ERICH6B: variants seen among roughly 807,000 people sequenced by gnomAD.
ERICH6B encodes glutamate rich 6B, also known as glutamate-rich protein 6B.
In ERICH6B, 69 loss-of-function variants were observed where a neutral mutation model predicts 80.0. The ratio of observed to expected loss-of-function variants is 0.86; its 90% CI spans 0.71 to 1.05. The LOEUF is 1.05. Ranked by LOEUF, ERICH6B falls within the 50% of genes least tolerant of loss-of-function variation. The pLI is 0.00. For missense variants in ERICH6B, 754 were observed against 796.1 expected (o/e 0.95, Z 0.64); for synonymous variants, 283 against 291.9 (o/e 0.97, Z 0.31).
intron 2 of ERICH6B, among the ~76,000 whole-genome samples, chr13:45,598,765 G>A (rs772777391): frequency 3.9e-5 from 6 of 152,160 alleles, no homozygotes; most frequent in African/African-American, 7.2e-5. Flanking sequence ...CAGCGGTGAG[G>A]AGTGTGGTCA....
At chr13:45,581,978 A>G (rs1875691481) in intron 5 of ERICH6B, among the ~76,000 whole-genome samples, 1 of 152,164 alleles carries the variant, frequency 6.6e-6, no homozygotes, top group African/African-American at 2.4e-5. Context: ...TTTCTCTAGG[A>G]TTGCATTAGT....
In ERICH6B at chr13:45,568,298, C is replaced by G. The variant is rs756883520; in HGVS notation, c.1187+17G>C. ...CCAAATCCACTGACCAATCACTTGGCCTCACCAGTTACTTACATAATTACC... is the reference window on the plus strand; with the variant it reads ...CCAAATCCACTGACCAATCACTTGGGCTCACCAGTTACTTACATAATTACC... On this transcript the variant is annotated intron_variant, in intron 9 of 14. Transcript: ENST00000298738. The G allele has an allele frequency of 5.2e-6, 8 of 1,531,448 alleles. No homozygotes were observed. The highest frequency in any genetic ancestry group is 2.5e-5 in the East Asian group (1 of 40,482). The allele number at this position is 1,531,448 out of a possible 1,614,324, so 94.9% of individuals were successfully genotyped here.
intron 8 of ERICH6B, among the ~76,000 whole-genome samples, chr13:45,574,404 A>T (rs755359792): frequency 3.3e-5 from 5 of 152,218 alleles, no homozygotes; most frequent in African/African-American, 4.8e-5. Context: ...TATTGAAACC[A>T]TGATGACTCC....
chr13:45,562,760 C>G (rs1168756930), intron 10 of ERICH6B, among the ~76,000 whole-genome samples: 1 of 152,156 alleles, frequency 6.6e-6, no homozygotes, highest in African/African-American at 2.4e-5. Context: ...CCAGCATAAG[C>G]ACTGTGTGGT....
At chr13:45,586,010 C>T (rs918295317) in intron 5 of ERICH6B, among the ~76,000 whole-genome samples, 23 of 152,266 alleles carry the variant, frequency 1.5e-4, no homozygotes, top group Non-Finnish European at 3.1e-4. Flanking sequence ...GGCAATTACT[C>T]AGGAAATGAC....
At chr13:45,551,283 G>A (rs1050590828) in intron 11 of ERICH6B, among the ~76,000 whole-genome samples, 3 of 151,980 alleles carry the variant, frequency 2.0e-5, no homozygotes, top group African/African-American at 7.2e-5. Context: ...TTGTTTTATA[G>A]TTTATCAATT....
intron 9 of ERICH6B, among the ~76,000 whole-genome samples, chr13:45,566,150 G>C (rs978911197): frequency 2.0e-4 from 30 of 152,172 alleles, no homozygotes; most frequent in African/African-American, 6.8e-4. Flanking sequence ...TAGTGTAGCT[G>C]GTGGAAGAAA....
intron 3 of ERICH6B, among the ~76,000 whole-genome samples, chr13:45,594,143 T>A (rs896384554): frequency 6.6e-6 from 1 of 152,226 alleles, no homozygotes; most frequent in African/African-American, 2.4e-5. Flanking sequence ...ATTGATATAT[T>A]TTTTTGAAAA....
chr13:45,550,068 G>C (rs900752887), intron 12 of ERICH6B, 23 bp from the exon 13 acceptor site: 42 of 1,550,746 alleles, frequency 2.7e-5, no homozygotes, highest in Middle Eastern at 1.7e-4. Context: ...TAAGGCACAA[G>C]TAGTCAGTCC....
Position 45,587,248 on chromosome 13 carries a change from A to G in ERICH6B, c.687-16T>C. 6.4e-7 allele frequency: 1 copy of G among 1,551,066 alleles called. No individual in the cohort carries two copies. The highest frequency in any genetic ancestry group is 8.7e-7 in the Non-Finnish European group (1 of 1,146,670). On this transcript the variant is annotated splice_polypyrimidine_tract_variant and intron_variant, in intron 4 of 14. Coordinates refer to ENST00000298738, the MANE Select transcript of ERICH6B (RefSeq NM_182542.3). ...GTCTGGACTCCTGTCAGAGGGGAGA[A>G]CAGGAAGGTCAACTTCCAGACAGGG... is the stretch of plus-strand genomic sequence containing the variant.
At chr13:45,598,496 T>C (rs1385324805) in intron 2 of ERICH6B, among the ~76,000 whole-genome samples, 1 of 152,158 alleles carries the variant, frequency 6.6e-6, no homozygotes, top group Middle Eastern at 3.2e-3. Context: ...GGCCTGCCTC[T>C]TTCTGGCTGT....
chr13:45,595,969 T>C lies in ERICH6B; in HGVS notation c.637+400A>G, dbSNP rs142945942. ...CTGCTTATATATAGTTTCTAAAACA[T>C]TTGCAATGAACATGTATTACTCGTG... On this transcript the variant is annotated intron_variant, in intron 3 of 14. Transcript: ENST00000298738. 3.3e-5 allele frequency among the ~76,000 whole-genome samples: 5 copies of C among 152,274 alleles called. No homozygotes were observed. In the East Asian group the frequency reaches 9.6e-4, roughly 29 times the overall value.
intron 2 of ERICH6B, among the ~76,000 whole-genome samples, chr13:45,600,185 T>C (rs1298934999): frequency 6.6e-6 from 1 of 152,090 alleles, no homozygotes; most frequent in African/African-American, 2.4e-5. Flanking sequence ...ATTATTGCCG[T>C]CTACTTCTAA....
intron 14 of ERICH6B, among the ~76,000 whole-genome samples, chr13:45,543,808 G>A (rs537316972): frequency 1.3e-5 from 2 of 152,252 alleles, no homozygotes; most frequent in East Asian, 1.9e-4. Context: ...GAACTTCCAG[G>A]GGATCATCTG....
Position 45,581,700 on chromosome 13 carries a change from C to CT in ERICH6B, c.857-1036dup, listed in dbSNP as rs529139266. On this transcript the variant is annotated intron_variant, in intron 5 of 14. Transcript: ENST00000298738. ...CCCATTCCATTCTTAATAGCAGGGA[C>CT]TAATAGGCCCATGATGAAAAAGCCA... is the stretch of plus-strand genomic sequence containing the variant. 2.1e-3 allele frequency among the ~76,000 whole-genome samples: 315 copies of CT among 152,314 alleles called. 3 individuals are homozygous for CT. Among genetic ancestry groups the CT allele is most frequent in the Non-Finnish European group, 1.4e-3 (93 of 68,034 alleles).
At chr13:45,564,145 T>G (rs2137979608) in intron 9 of ERICH6B, among the ~76,000 whole-genome samples, 1 of 152,320 alleles carries the variant, frequency 6.6e-6, no homozygotes, top group African/African-American at 2.4e-5. Context: ...GGATTTGATT[T>G]TCTGCAGCTT....
At chr13:45,609,863 C>T (rs1333255904) in intron 1 of ERICH6B, among the ~76,000 whole-genome samples, 1 of 152,188 alleles carries the variant, frequency 6.6e-6, no homozygotes, top group East Asian at 1.9e-4. Flanking sequence ...AAAATTATAA[C>T]AGTGAGAAAA....
intron 2 of ERICH6B, among the ~76,000 whole-genome samples, chr13:45,606,993 G>A (rs936133415): frequency 3.3e-5 from 5 of 151,878 alleles, no homozygotes; most frequent in African/African-American, 1.2e-4. Flanking sequence ...AAATCCTTGC[G>A]GCCAGTTGTG....
intron 4 of ERICH6B, among the ~76,000 whole-genome samples, chr13:45,589,124 T>C (rs1355851655): frequency 6.6e-6 from 1 of 150,640 alleles, no homozygotes; most frequent in Admixed American, 6.6e-5. Flanking sequence ...AATGTAACAC[T>C]TACTGCCTAA....
Sources: allele counts gnomAD v4.1 joint callset (sites outside exome capture counted in the v4.1 genomes callset), GRCh38; gene constraint gnomAD v4.1.1; transcripts MANE v1.5; gene names NCBI Gene and HGNC (gene_info 2026-07-23, HGNC 2026-07-21).